CTSD: variants seen among roughly 807,000 people sequenced by gnomAD.
CTSD encodes the protein cathepsin D.
Under a neutral mutation model 43.6 loss-of-function variants are expected in CTSD, and 28 were observed. The ratio of observed to expected loss-of-function variants is 0.64; its 90% CI spans 0.48 to 0.88. CTSD has a LOEUF of 0.88. CTSD is among the 40% of genes least tolerant of loss of function. The pLI, the probability that CTSD is intolerant of heterozygous loss-of-function variation, is 0.00. For synonymous variants in CTSD, 270 were observed against 249.8 expected, an observed-to-expected ratio of 1.08 and a Z score of -0.76; for missense variants, 485 against 555.2, an observed-to-expected ratio of 0.87 and a Z score of 1.27.
At chr11:1,755,655 C>T (rs758042095) in intron 5 of CTSD, among the ~76,000 whole-genome samples, 9 of 152,302 alleles carry the variant, frequency 5.9e-5, no homozygotes, top group East Asian at 3.9e-4. Context: ...CAGCTTTCAA[C>T]GCAGCAAATC....
chr11:1,755,635 T>C (rs985173108), intron 5 of CTSD, among the ~76,000 whole-genome samples: 3 of 152,258 alleles, frequency 2.0e-5, no homozygotes, highest in Admixed American at 2.0e-4. Flanking sequence ...TTCTAAACAT[T>C]GCTCAAGTAC....
intron 6 of CTSD, among the ~76,000 whole-genome samples, chr11:1,754,552 GGATGGAGGGATGGAGGA>G (rs1590904736): frequency 4.2e-5 from 6 of 142,094 alleles, no homozygotes; most frequent in African/African-American, 8.0e-5. Context: ...GGGATGGAGG[GGATGGAGGGATGGAGGA>G]GATGGAGGGT....
At position 1,761,316 on chromosome 11, in the gene CTSD, T is replaced by C. The variant is rs1329655439; in HGVS notation, c.221A>G (p.Tyr74Cys). 1 of 1,613,774 alleles carries C rather than the reference T, an allele frequency of 6.2e-7. No individual in the cohort carries two copies. The change falls in exon 2 of 9, where the codon TAC becomes TGC. Residue 74 changes from tyrosine to cysteine, a missense_variant. Tyr to Cys is a radical substitution (Grantham distance 194). Coordinates refer to ENST00000236671, the MANE Select transcript of CTSD (RefSeq NM_001909.5). ...EGPIPEVLKN[Y>C]MDAQYYGEIG... ...CTAAGACCTCATACTCACGTCCATG[T>C]AGTTCTTGAGCACCTCGGGAATGGG...
chr11:1,763,500 G>C, intron 1 of CTSD: 1 of 410,864 alleles, frequency 2.4e-6, no homozygotes, highest in Non-Finnish European at 4.4e-6. Context: ...GCCCCGCCCC[G>C]TCTCCAGGGA....
In CTSD at chr11:1,753,243, C is replaced by A. The variant is rs766071697; in HGVS notation, c.*260G>T. 3 of 550,616 alleles carry A rather than the reference C, an allele frequency of 5.4e-6. No homozygotes were observed. In the South Asian group the frequency reaches 6.0e-5, roughly 11 times the overall value. 34.1% of individuals were successfully genotyped at this position (550,616 alleles called of 1,614,324 possible). On this transcript the variant is annotated 3_prime_UTR_variant, in exon 9 of 9. Coordinates refer to ENST00000236671, the MANE Select transcript of CTSD (RefSeq NM_001909.5). ...AGCTTGGGTGGGGTCTTCCAATGCA[C>A]GAAACAGATCTGTGCTCTGGATCAG...
intron 5 of CTSD, among the ~76,000 whole-genome samples, chr11:1,757,108 G>A (rs1210252594): frequency 6.6e-6 from 1 of 152,240 alleles, no homozygotes; most frequent in Non-Finnish European, 1.5e-5. Context: ...CTCCCACTGG[G>A]AGACCCCGGC....
chr11:1,754,004 A>C lies in CTSD; in HGVS notation c.962T>G (p.Ile321Ser). The C allele has an allele frequency of 6.2e-7, 1 of 1,606,386 alleles. No individual in the cohort carries two copies. Among genetic ancestry groups the C allele is most frequent in the South Asian group, 1.1e-5 (1 of 90,630 alleles). The part of the protein sequence containing the change: ...LQKAIGAVPL[I>S]QGEYMIPCEK... ...GCCCCCGGCGCTCACCTCGCCCTGA[A>C]TCAGCGGCACGGCCCCGATGGCCTT... Residue 321 changes from isoleucine to serine, a missense_variant, in exon 7 of 9, where the codon ATT (isoleucine) becomes AGT (serine). Coordinates refer to ENST00000236671, the MANE Select transcript of CTSD (RefSeq NM_001909.5).
chr11:1,753,961 G>GGCCC, intron 7 of CTSD, 33 bp downstream of exon 7: 2 of 1,596,766 alleles, frequency 1.3e-6, no homozygotes, highest in Non-Finnish European at 1.7e-6. Flanking sequence ...CCCCCTGCCA[G>GGCCC]CCCCAGCCCC....
intron 7 of CTSD, 35 bp from the exon 8 acceptor site, chr11:1,753,936 G>A (rs774327757): frequency 5.6e-6 from 9 of 1,612,038 alleles, no homozygotes; most frequent in Admixed American, 5.0e-5. Flanking sequence ...GGGTGGTAGT[G>A]GTGGCCTTGG....
intron 2 of CTSD, 60 bp downstream of exon 2, chr11:1,761,249 T>G (rs529403531): frequency 5.0e-6 from 8 of 1,591,826 alleles, no homozygotes; most frequent in Non-Finnish European, 6.0e-6. Context: ...TTCCCCATAC[T>G]GCCACGGAGC....
In CTSD at chr11:1,753,017, G is replaced by A. The variant is rs1845745923; in HGVS notation, c.*486C>T. On this transcript the variant is annotated 3_prime_UTR_variant, in exon 9 of 9. Transcript: ENST00000236671. The stretch of plus-strand genomic sequence containing the variant: ...GCGGCCTCATCCTCAACGGGCCCGG[G>A]ACACTGAACAGGTAGGGTGGCAGAG... 1 of 255,596 alleles carries A rather than the reference G, an allele frequency of 3.9e-6. No homozygotes were observed. The highest frequency in any genetic ancestry group is 2.3e-5 in the African/African-American group (1 of 44,282). 15.8% of individuals were successfully genotyped at this position (255,596 alleles called of 1,614,324 possible). A position where few individuals can be genotyped will look rare whatever the true frequency, so the allele number is the denominator to read the frequency against.
chr11:1,756,155 C>G (rs1275840385), intron 5 of CTSD, among the ~76,000 whole-genome samples: 1 of 151,872 alleles, frequency 6.6e-6, no homozygotes, highest in Non-Finnish European at 1.5e-5. Flanking sequence ...TGCCCCTCCC[C>G]CACATGGGCA....
intron 4 of CTSD, chr11:1,757,920 G>C (rs1845829619): frequency 2.9e-6 from 1 of 348,768 alleles, no homozygotes; most frequent in African/African-American, 2.1e-5. Context: ...GCCTGGGCCA[G>C]GAGCCCGAGA....
intron 2 of CTSD, 158 bp downstream of exon 2, chr11:1,761,151 G>T: frequency 1.3e-6 from 1 of 749,726 alleles, no homozygotes; most frequent in Non-Finnish European, 2.3e-6. Context: ...TTCCAGAATG[G>T]GGAAGAAAGG....
At chr11:1,757,697 A>G (rs1314475360) in intron 4 of CTSD, 141 bp from the exon 5 acceptor site, 1 of 755,752 alleles carries the variant, frequency 1.3e-6, no homozygotes, top group Admixed American at 2.2e-5. Context: ...AAAGGGCTGG[A>G]AACCCTGAGC....
At position 1,758,949 on chromosome 11, in the gene CTSD, A is replaced by G; in HGVS notation, c.471+20T>C. The G allele has an allele frequency of 6.5e-7, 1 of 1,539,120 alleles. No individual in the cohort carries two copies. The highest frequency in any genetic ancestry group is 9.0e-7 in the Non-Finnish European group (1 of 1,111,976). On this transcript the variant is annotated intron_variant, in intron 4 of 8. Coordinates refer to ENST00000236671, the MANE Select transcript of CTSD (RefSeq NM_001909.5). ...ACCCTGGCACCCTCGAGTCCTGGGA[A>G]AGGCCCCAGAGGGACTCACCGACAC...
chr11:1,754,394 G>C (rs1305152088), intron 6 of CTSD: 1 of 555,992 alleles, frequency 1.8e-6, no homozygotes, highest in Non-Finnish European at 3.2e-6. Context: ...TAGAGGGATG[G>C]AGGGGATGGA....
In CTSD at chr11:1,763,847, T is replaced by C. The variant is rs972233619; in HGVS notation, c.13A>G (p.Ser5Gly). 1.3e-6 allele frequency: 2 copies of C among 1,525,894 alleles called. No individual in the cohort carries two copies. The highest frequency in any genetic ancestry group is 1.8e-6 in the Non-Finnish European group (2 of 1,142,024). The allele number at this position is 1,525,894 out of a possible 1,614,324, so 94.5% of individuals were successfully genotyped here. A position where few individuals can be genotyped will look rare whatever the true frequency, so the allele number is the denominator to read the frequency against. ...AGGCAGAGGGCGAGCGGCAGAAGGC[T>C]GGAGGGCTGCATGGCGGCGGCGGCC... is the stretch of plus-strand genomic sequence containing the variant. MQPS[S>G]LLPLALCLLA... The change falls in exon 1 of 9, where the codon AGC becomes GGC. Residue 5 changes from serine (S) to glycine (G), a missense_variant. Transcript: ENST00000236671.
At chr11:1,761,885 T>C (rs1845882244) in intron 1 of CTSD, 1 of 312,218 alleles carries the variant, frequency 3.2e-6, no homozygotes, top group Non-Finnish European at 6.4e-6. Context: ...CTGTCACTCC[T>C]GCCCAAAGTG....
Sources: allele counts gnomAD v4.1 joint callset (sites outside exome capture counted in the v4.1 genomes callset), GRCh38; gene constraint gnomAD v4.1.1; transcripts MANE v1.5; gene names NCBI Gene and HGNC (gene_info 2026-07-23, HGNC 2026-07-21).